Variants in TUFT1 observed in about 807,000 individuals in gnomAD.
TUFT1 encodes tuftelin.
TUFT1 carries 43 observed loss-of-function variants against 57.8 expected under a neutral mutation model. That is an observed-to-expected ratio of 0.74 (90% CI 0.58 to 0.96). TUFT1 has a LOEUF of 0.96. Ranked by LOEUF, TUFT1 falls within the 40% of genes least tolerant of loss-of-function variation. The pLI is 0.00. For synonymous variants in TUFT1, 166 were observed against 176.7 expected, an observed-to-expected ratio of 0.94 and a Z score of 0.48; for missense variants, 459 against 489.0, an observed-to-expected ratio of 0.94 and a Z score of 0.58.
At chr1:151,540,950 A>G in intron 1 of TUFT1, 1 of 153,794 alleles carries the variant, frequency 6.5e-6, no homozygotes, top group Non-Finnish European at 1.5e-5. Context: ...GGCGGGGGGC[A>G]AGTAGGGGAC....
chr1:151,571,378 A>C (rs1666247289), intron 7 of TUFT1, among the ~76,000 whole-genome samples: 1 of 75,692 alleles, frequency 1.3e-5, no homozygotes, highest in African/African-American at 5.3e-5. Context: ...GAGTGAGGTA[A>C]TATATGTGAG....
intron 9 of TUFT1, among the ~76,000 whole-genome samples, chr1:151,575,331 A>G (rs1314780245): frequency 2.0e-5 from 3 of 152,186 alleles, no homozygotes; most frequent in Non-Finnish European, 4.4e-5. Context: ...AGTGCAGTGG[A>G]TATGTTATGC....
intron 1 of TUFT1, among the ~76,000 whole-genome samples, chr1:151,551,492 T>C (rs1342418935): frequency 2.0e-5 from 3 of 152,148 alleles, no homozygotes; most frequent in African/African-American, 7.2e-5. Context: ...CAGTAGGTGC[T>C]CTGACTGAGG....
intron 12 of TUFT1, among the ~76,000 whole-genome samples, chr1:151,581,392 A>G (rs1666642053): frequency 6.6e-6 from 1 of 152,202 alleles, no homozygotes; most frequent in Non-Finnish European, 1.5e-5. Flanking sequence ...TCACAGCTAT[A>G]TCCACTTCTC....
At chr1:151,569,470 A>G (rs1016249014) in intron 6 of TUFT1, among the ~76,000 whole-genome samples, 187 bp from the exon 7 acceptor site, 18 of 152,202 alleles carry the variant, frequency 1.2e-4, no homozygotes, top group African/African-American at 3.4e-4. Context: ...TGAAGGGACA[A>G]TGTTTCATTG....
intron 7 of TUFT1, among the ~76,000 whole-genome samples, chr1:151,572,226 T>G (rs951097184): frequency 1.0e-5 from 1 of 99,720 alleles, no homozygotes; most frequent in East Asian, 2.3e-4. Flanking sequence ...GGTACATAAA[T>G]AATTTTTTTT....
chr1:151,565,599 G>C (rs1400104084), intron 5 of TUFT1, among the ~76,000 whole-genome samples: 1 of 152,266 alleles, frequency 6.6e-6, no homozygotes, highest in African/African-American at 2.4e-5. Flanking sequence ...AATGTGTGCA[G>C]AGACTGGCCC....
chr1:151,564,655 G>A, intron 5 of TUFT1, 41 bp downstream of exon 5: 1 of 1,547,936 alleles, frequency 6.5e-7, no homozygotes, highest in Non-Finnish European at 8.9e-7. Context: ...CACCGAGGAG[G>A]TGGGGTTGTG....
intron 1 of TUFT1, among the ~76,000 whole-genome samples, chr1:151,546,984 T>C (rs943025380): frequency 2.0e-5 from 3 of 152,340 alleles, no homozygotes; most frequent in Admixed American, 6.5e-5. Flanking sequence ...GAATGTATTC[T>C]AAAATGTGGA....
chr1:151,564,344 T>A (rs12066889), intron 4 of TUFT1, among the ~76,000 whole-genome samples, 181 bp from the exon 5 acceptor site: 3,818 of 152,244 alleles, frequency 0.025, 155 homozygotes, highest in African/African-American at 0.088. Context: ...GTCTTGTGTC[T>A]CCCCAACAAG....
chr1:151,541,538 A>T (rs930257015), intron 1 of TUFT1, among the ~76,000 whole-genome samples: 1 of 151,406 alleles, frequency 6.6e-6, no homozygotes, highest in African/African-American at 2.4e-5. Flanking sequence ...TGACTCCCTT[A>T]CTCTCTGCCT....
chr1:151,550,459 C>T (rs1386080361), intron 1 of TUFT1, among the ~76,000 whole-genome samples: 2 of 152,138 alleles, frequency 1.3e-5, no homozygotes, highest in Non-Finnish European at 2.9e-5. Context: ...ATTCTCCCAC[C>T]TCAGTTTCCC....
Position 151,562,665 on chromosome 1 carries a change from T to C in TUFT1, c.216T>C (p.Asp72=), listed in dbSNP as rs1665935075. 6.2e-7 allele frequency: 1 copy of C among 1,613,464 alleles called. No individual in the cohort carries two copies. The highest frequency in any genetic ancestry group is 8.5e-7 in the Non-Finnish European group (1 of 1,180,006). ...CTTCAGAACTGGTGGAGTCCCATGA[T>C]GGACATGAGGAGATCATTAAGGTAA... The part of the protein sequence containing the change: ...SLASELVESH[D]GHEEIIKVYL... The change falls in exon 3 of 13, where the codon GAT becomes GAC. Residue 72 remains aspartate (D), a synonymous_variant. Transcript: ENST00000368849.
At chr1:151,558,443 T>C (rs1257883837) in intron 1 of TUFT1, among the ~76,000 whole-genome samples, 1 of 152,136 alleles carries the variant, frequency 6.6e-6, no homozygotes, top group Non-Finnish European at 1.5e-5. Context: ...TATCATGGCA[T>C]GAATTTCATG....
intron 9 of TUFT1, among the ~76,000 whole-genome samples, chr1:151,576,681 G>C (rs1405808466): frequency 6.6e-6 from 1 of 152,152 alleles, no homozygotes; most frequent in African/African-American, 2.4e-5. Flanking sequence ...CGCCCAGGCT[G>C]GAGTGCAGTG....
intron 3 of TUFT1, 84 bp from the exon 4 acceptor site, chr1:151,563,820 C>T: frequency 5.2e-6 from 6 of 1,159,368 alleles, no homozygotes; most frequent in Non-Finnish European, 7.7e-6. Context: ...AATTTACCCT[C>T]CCACCAGCAC....
intron 7 of TUFT1, among the ~76,000 whole-genome samples, chr1:151,572,396 G>A (rs1195310765): frequency 6.6e-6 from 1 of 151,910 alleles, no homozygotes; most frequent in Non-Finnish European, 1.5e-5. Context: ...CCGACAGTGG[G>A]GTGCAAGAAT....
At chr1:151,569,195 T>C (rs1666172329) in intron 6 of TUFT1, among the ~76,000 whole-genome samples, 1 of 152,108 alleles carries the variant, frequency 6.6e-6, no homozygotes, top group Non-Finnish European at 1.5e-5. Flanking sequence ...TGCCAAAAGC[T>C]GAGAATGGTA....
chr1:151,574,662 T>TGC (rs1666390131), intron 8 of TUFT1, among the ~76,000 whole-genome samples: 4 of 152,178 alleles, frequency 2.6e-5, no homozygotes, highest in Admixed American at 2.0e-4. Context: ...CTGGCAGCCA[T>TGC]AGCTGGCGAG....
Sources: gnomAD v4.1 joint callset for allele counts (sites outside exome capture counted in the v4.1 genomes callset) on GRCh38, gnomAD v4.1.1 for gene constraint, MANE v1.5 for transcripts, NCBI Gene and HGNC (gene_info 2026-07-23, HGNC 2026-07-21) for gene names.